Variants in VEPH1 observed in about 807,000 individuals in gnomAD.
VEPH1 encodes the protein ventricular zone-expressed PH domain-containing protein homolog 1.
VEPH1 carries 80 observed loss-of-function variants against 85.2 expected under a neutral mutation model. That is an observed-to-expected ratio of 0.94 (90% CI 0.78 to 1.13). The LOEUF (loss-of-function observed/expected upper bound fraction) is 1.13. Ranked by LOEUF, VEPH1 falls within the 50% of genes most tolerant of loss-of-function variation. The pLI is 0.00. For missense variants in VEPH1, 955 were observed against 980.5 expected (o/e 0.97, Z 0.35); for synonymous variants, 297 against 348.0 (o/e 0.85, Z 1.63).
chr3:157,285,179 A>G (rs950851275), intron 12 of VEPH1: 1 of 152,204 alleles, frequency 6.6e-6, no homozygotes, highest in African/African-American at 2.4e-5. Flanking sequence ...AAGTTTTATA[A>G]TGGAGGCAGT....
intron 2 of VEPH1, among the ~76,000 whole-genome samples, chr3:157,479,813 A>G (rs1447830114): frequency 1.3e-5 from 2 of 152,196 alleles, no homozygotes; most frequent in Non-Finnish European, 2.9e-5. Flanking sequence ...GGATTGTTGC[A>G]AGTATTCAAT....
At chr3:157,361,238 C>G (rs1726018358) in intron 9 of VEPH1, among the ~76,000 whole-genome samples, 1 of 152,138 alleles carries the variant, frequency 6.6e-6, no homozygotes, top group Non-Finnish European at 1.5e-5. Flanking sequence ...TTATTGTCAC[C>G]ATTAAAATGG....
intron 5 of VEPH1, among the ~76,000 whole-genome samples, chr3:157,425,855 A>C (rs1732716782): frequency 6.6e-6 from 1 of 152,168 alleles, no homozygotes. Context: ...TCCCCACCAA[A>C]ATCTCATCTT....
intron 7 of VEPH1, among the ~76,000 whole-genome samples, chr3:157,365,835 G>A (rs1726616799): frequency 6.6e-6 from 1 of 152,162 alleles, no homozygotes; most frequent in East Asian, 1.9e-4. Flanking sequence ...AACTCAATGT[G>A]TTCACCAATC....
chr3:157,390,529 T>G (rs1038749588), intron 6 of VEPH1, among the ~76,000 whole-genome samples: 7 of 152,210 alleles, frequency 4.6e-5, no homozygotes, highest in Admixed American at 4.6e-4. Flanking sequence ...TTGTTTTGTT[T>G]TGTTTTGTTT....
intron 4 of VEPH1, chr3:157,437,800 C>T (rs1733746393): frequency 4.8e-6 from 7 of 1,462,414 alleles, no homozygotes; most frequent in African/African-American, 1.5e-5. Context: ...CGCGGAGGCG[C>T]AGCGCCCAGA....
At chr3:157,493,980 C>T (rs920205011) in intron 2 of VEPH1, among the ~76,000 whole-genome samples, 1 of 152,162 alleles carries the variant, frequency 6.6e-6, no homozygotes, top group Non-Finnish European at 1.5e-5. Flanking sequence ...GGACAAAAAT[C>T]TTACCCAGAA....
chr3:157,316,606 G>T (rs1720776982), intron 10 of VEPH1, among the ~76,000 whole-genome samples: 1 of 151,100 alleles, frequency 6.6e-6, no homozygotes, highest in Non-Finnish European at 1.5e-5. Flanking sequence ...GTTGTAAGTT[G>T]CTCTTTACAT....
intron 6 of VEPH1, chr3:157,409,601 T>C (rs1483480316): frequency 6.4e-5 from 63 of 984,560 alleles, no homozygotes; most frequent in Non-Finnish European, 7.5e-5. Flanking sequence ...TTTTGTTTTA[T>C]ATATACAACT....
chr3:157,349,666 T>C (rs1724630491), intron 9 of VEPH1, among the ~76,000 whole-genome samples: 1 of 152,120 alleles, frequency 6.6e-6, no homozygotes, highest in Non-Finnish European at 1.5e-5. Context: ...TAAGAATTAA[T>C]AAATGAACTC....
At chr3:157,411,804 A>G (rs755789057) in intron 6 of VEPH1, among the ~76,000 whole-genome samples, 5 of 152,120 alleles carry the variant, frequency 3.3e-5, no homozygotes, top group African/African-American at 1.2e-4. Flanking sequence ...ATTTAGATCC[A>G]CCTCTCCTTC....
At chr3:157,304,013 C>T (rs553989123) in intron 11 of VEPH1, among the ~76,000 whole-genome samples, 54 of 54,176 alleles carry the variant, frequency 1.0e-3, no homozygotes, top group Non-Finnish European at 1.9e-3. Context: ...AATTTCTCAT[C>T]TTATATTTTT....
intron 4 of VEPH1, among the ~76,000 whole-genome samples, chr3:157,453,342 C>T (rs1186031080): frequency 6.6e-6 from 1 of 151,784 alleles, no homozygotes; most frequent in East Asian, 1.9e-4. Context: ...AAGTCGTTTA[C>T]ATCTGTAGGT....
chr3:157,462,433 C>T (rs1286540036), intron 3 of VEPH1, among the ~76,000 whole-genome samples: 1 of 152,020 alleles, frequency 6.6e-6, no homozygotes, highest in Non-Finnish European at 1.5e-5. Flanking sequence ...TAGGGTTCTA[C>T]GAAGGACAAC....
chr3:157,381,277 C>A lies in VEPH1; in HGVS notation c.1006G>T (p.Asp336Tyr), dbSNP rs147644993. 6.2e-7 allele frequency: 1 copy of A among 1,614,086 alleles called. No individual in the cohort carries two copies. Among genetic ancestry groups the A allele is most frequent in the South Asian group, 1.1e-5 (1 of 91,056 alleles). Residue 336 changes from aspartate (D) to tyrosine (Y), a missense_variant, in exon 7 of 14, where the codon GAC (aspartate) becomes TAC (tyrosine). Physicochemically the swap from Asp to Tyr is radical, Grantham distance 160. Transcript: ENST00000362010. ...ILLLEIKSIT[D>Y]TFSSILGPQS... ...GGGCCCAAGATTGAGGAGAAGGTGT[C>A]GGTGATGCTTTTAATCTCCAGCAGG...
chr3:157,352,147 C>T (rs531472122), intron 9 of VEPH1, among the ~76,000 whole-genome samples: 8 of 152,330 alleles, frequency 5.3e-5, no homozygotes, highest in African/African-American at 1.9e-4. Flanking sequence ...TTTATGGACA[C>T]TGTAGATTTT....
At chr3:157,310,677 G>A (rs1720013134) in intron 11 of VEPH1, among the ~76,000 whole-genome samples, 1 of 152,200 alleles carries the variant, frequency 6.6e-6, no homozygotes, top group African/African-American at 2.4e-5. Flanking sequence ...TCCATGTGGT[G>A]GCTCAGAATT....
At chr3:157,369,783 T>TAC (rs1727282665) in intron 7 of VEPH1, among the ~76,000 whole-genome samples, 1 of 152,188 alleles carries the variant, frequency 6.6e-6, no homozygotes, top group African/African-American at 2.4e-5. Context: ...CGAAACAAAG[T>TAC]TTTTGAACAA....
chr3:157,322,189 C>T (rs947142738), intron 9 of VEPH1, among the ~76,000 whole-genome samples: 5 of 152,176 alleles, frequency 3.3e-5, no homozygotes, highest in Non-Finnish European at 5.9e-5. Flanking sequence ...CTAGGTACCT[C>T]ATACAAGTAG....
Sources: allele counts gnomAD v4.1 joint callset (sites outside exome capture counted in the v4.1 genomes callset), GRCh38; gene constraint gnomAD v4.1.1; transcripts MANE v1.5; gene names NCBI Gene and HGNC (gene_info 2026-07-23, HGNC 2026-07-21).